CDH13: variants seen among roughly 807,000 people sequenced by gnomAD.
The protein encoded by CDH13 is cadherin 13, also known as cadherin-13.
Under a neutral mutation model 63.8 loss-of-function variants are expected in CDH13, and 24 were observed. The ratio of observed to expected loss-of-function variants is 0.38; its 90% CI spans 0.27 to 0.53. The LOEUF is 0.53. Among genes scored for constraint, CDH13 ranks in the 20% least tolerant of loss-of-function variants. CDH13 has a pLI of 0.85. For synonymous variants in CDH13, 503 were observed against 355.3 expected (o/e 1.42, Z -4.67); for missense variants, 1,049 against 903.1 (o/e 1.16, Z -2.07).
Position 83,626,210 on chromosome 16 carries a change from G to A in CDH13, c.1101+23616G>A, listed in dbSNP as rs546164764. On this transcript the variant is annotated intron_variant, in intron 8 of 13. Transcript: ENST00000567109. Reference sequence around the variant, plus strand: ...TTTCTTCAGCTGATTTTGCCGTACCGCGTGTGCCGGTTTCATCTTCCTCCT... The same window carrying A: ...TTTCTTCAGCTGATTTTGCCGTACCACGTGTGCCGGTTTCATCTTCCTCCT... Among the ~76,000 whole-genome samples the A allele has an allele frequency of 9.2e-5, 14 of 152,176 alleles. 1 individual carries two copies. Among genetic ancestry groups the A allele is most frequent in the South Asian group, 4.2e-4 (2 of 4,812 alleles).
intron 4 of CDH13, among the ~76,000 whole-genome samples, chr16:83,157,616 C>T (rs186433383): frequency 2.0e-5 from 3 of 151,932 alleles, no homozygotes; most frequent in East Asian, 1.9e-4. Flanking sequence ...TATGTCCGGC[C>T]GGGCGCGGTG....
At chr16:83,558,708 T>C (rs1383636832) in intron 7 of CDH13, among the ~76,000 whole-genome samples, 10 of 152,234 alleles carry the variant, frequency 6.6e-5, no homozygotes, top group African/African-American at 2.4e-4. Flanking sequence ...GTTGACATCA[T>C]TTCAACTTTG....
chr16:82,958,255 C>G (rs1010713382), intron 2 of CDH13, among the ~76,000 whole-genome samples: 2 of 152,198 alleles, frequency 1.3e-5, no homozygotes, highest in African/African-American at 4.8e-5. Flanking sequence ...GGAGGAATAG[C>G]TGAGACGCTT....
intron 1 of CDH13, among the ~76,000 whole-genome samples, chr16:82,649,468 G>C (rs1910477220): frequency 6.6e-6 from 1 of 152,174 alleles, no homozygotes; most frequent in African/African-American, 2.4e-5. Flanking sequence ...AACAGAGAAA[G>C]CACTAGATTC....
chr16:82,653,819 T>A lies in CDH13; in HGVS notation c.45+26682T>A, dbSNP rs529727228. Among the ~76,000 whole-genome samples, 162 of 152,234 alleles carry A rather than the reference T, an allele frequency of 1.1e-3. 2 individuals carry two copies. The highest frequency in any genetic ancestry group is 3.7e-3 in the African/African-American group (153 of 41,530). ...CTTGTGCCTGCACCGGGGCGCAGGATGGGAGACAGATGCCTTTTGCAGTAG... is the reference window on the plus strand; with the variant it reads ...CTTGTGCCTGCACCGGGGCGCAGGAAGGGAGACAGATGCCTTTTGCAGTAG... On this transcript the variant is annotated intron_variant, in intron 1 of 13. Transcript: ENST00000567109.
chr16:83,352,468 G>T (rs527973696), intron 6 of CDH13, among the ~76,000 whole-genome samples: 1 of 152,016 alleles, frequency 6.6e-6, no homozygotes, highest in Non-Finnish European at 1.5e-5. Flanking sequence ...CTACTACTGG[G>T]CGTCTACACA....
At chr16:83,461,138 G>A (rs2073170862) in intron 6 of CDH13, among the ~76,000 whole-genome samples, 1 of 151,908 alleles carries the variant, frequency 6.6e-6, no homozygotes, top group Non-Finnish European at 1.5e-5. Context: ...GCTGGGTGGT[G>A]GATACAAGTG....
At position 82,896,276 on chromosome 16, in the gene CDH13, ATTTT is replaced by A. The variant is rs59677448; in HGVS notation, c.157+37833_157+37836del. On this transcript the variant is annotated intron_variant, in intron 2 of 13. Transcript: ENST00000567109. ...GAGTCTTCTGAGAACTAGGATTAGGATTTTTTTTTTTTTTTTTTTTTTTTTTTTT... is the reference window on the plus strand; with the variant it reads ...GAGTCTTCTGAGAACTAGGATTAGGATTTTTTTTTTTTTTTTTTTTTTTTT... Among the ~76,000 whole-genome samples, 71 of 87,828 alleles carry A rather than the reference ATTTT, an allele frequency of 8.1e-4. 1 individual carries two copies. The South Asian group carries it at 8.9e-3, about 11-fold the overall frequency. 57.6% of individuals were successfully genotyped at this position (87,828 alleles called of 152,430 possible).
chr16:82,960,638 T>C (rs962941005), intron 2 of CDH13, among the ~76,000 whole-genome samples: 2 of 152,134 alleles, frequency 1.3e-5, no homozygotes, highest in African/African-American at 4.8e-5. Context: ...CAGTTTCCAT[T>C]TCGGTATAGC....
At chr16:83,154,065 C>T (rs1346220642) in intron 4 of CDH13, among the ~76,000 whole-genome samples, 1 of 152,286 alleles carries the variant, frequency 6.6e-6, no homozygotes, top group East Asian at 1.9e-4. Context: ...TCAAGCTTGA[C>T]CATGTGACTT....
intron 2 of CDH13, among the ~76,000 whole-genome samples, chr16:82,948,139 A>C (rs982039927): frequency 2.6e-5 from 4 of 152,194 alleles, no homozygotes; most frequent in Non-Finnish European, 5.9e-5. Context: ...CTATCAAAAC[A>C]AAGAAATGAA....
chr16:82,642,112 A>AAT (rs1269295995), intron 1 of CDH13, among the ~76,000 whole-genome samples: 2 of 146,442 alleles, frequency 1.4e-5, no homozygotes, highest in African/African-American at 5.1e-5. Context: ...AAAAAAAAAA[A>AAT]GTGGTGCTTG....
chr16:83,055,898 T>C (rs4783315), intron 3 of CDH13, among the ~76,000 whole-genome samples: 9,853 of 152,146 alleles, frequency 0.065, 779 homozygotes, highest in African/African-American at 0.18. Flanking sequence ...AAATACATCA[T>C]TGAGAAAGTG....
rs559619647 is a variant in CDH13 at position 82,724,793 on chromosome 16, A to C, written c.45+97656A>C. On this transcript the variant is annotated intron_variant, in intron 1 of 13. Coordinates refer to ENST00000567109, the MANE Select transcript of CDH13 (RefSeq NM_001257.5). ...CAAGGTGATGGCCAAACCTACAAAC[A>C]GGGGAGCCAGGGACAAGAGCAGGGA... Among the ~76,000 whole-genome samples, 15 of 152,294 alleles carry C rather than the reference A, an allele frequency of 9.8e-5. No individual in the cohort carries two copies. In the East Asian group the frequency reaches 2.7e-3, roughly 27 times the overall value.
chr16:82,747,734 T>G (rs1039292137), intron 1 of CDH13, among the ~76,000 whole-genome samples: 1 of 152,204 alleles, frequency 6.6e-6, no homozygotes, highest in Non-Finnish European at 1.5e-5. Context: ...TTTTCAAAGG[T>G]GTACTTTTTA....
intron 1 of CDH13, among the ~76,000 whole-genome samples, chr16:82,685,395 T>G (rs1914962356): frequency 6.6e-6 from 1 of 152,200 alleles, no homozygotes; most frequent in African/African-American, 2.4e-5. Flanking sequence ...CCATTCATAA[T>G]GGCTCATCCT....
In CDH13 at chr16:82,855,558, C is replaced by T. The variant is rs576938366; in HGVS notation, c.46-2804C>T. Among the ~76,000 whole-genome samples, 55 of 152,256 alleles carry T rather than the reference C, an allele frequency of 3.6e-4. 1 individual carries two copies. Among genetic ancestry groups the T allele is most frequent in the African/African-American group, 1.2e-3 (49 of 41,536 alleles). On this transcript the variant is annotated intron_variant, in intron 1 of 13. Coordinates refer to ENST00000567109, the MANE Select transcript of CDH13 (RefSeq NM_001257.5). Reference sequence around the variant, plus strand: ...ATAGATTTTCTGTTTGCAAAATTGCCAGCAGATTTTTCTGACTCCTGGATC... The same window carrying T: ...ATAGATTTTCTGTTTGCAAAATTGCTAGCAGATTTTTCTGACTCCTGGATC...
At chr16:83,217,525 TG>T (rs1323805710) in intron 5 of CDH13, 28 bp downstream of exon 5, 1 of 1,601,066 alleles carries the variant, frequency 6.2e-7, no homozygotes, top group Non-Finnish European at 8.5e-7. Flanking sequence ...ATGCCCACCC[TG>T]TGCGCAGAAA....
intron 1 of CDH13, among the ~76,000 whole-genome samples, chr16:82,642,410 A>G (rs1218245680): frequency 1.0e-4 from 16 of 152,394 alleles, no homozygotes; most frequent in Admixed American, 7.8e-4. Context: ...TAATGCACGC[A>G]GTAATGTACA....
Sources: gnomAD v4.1 joint callset for allele counts (sites outside exome capture counted in the v4.1 genomes callset) on GRCh38, gnomAD v4.1.1 for gene constraint, MANE v1.5 for transcripts, NCBI Gene and HGNC (gene_info 2026-07-23, HGNC 2026-07-21) for gene names.